ROBO2: variants seen among roughly 807,000 people sequenced by gnomAD.
The protein encoded by ROBO2 is roundabout guidance receptor 2.
In ROBO2, 53 loss-of-function variants were observed where a neutral mutation model predicts 160.8. The observed-to-expected ratio is 0.33, with a 90% CI of 0.26 to 0.41. The LOEUF (loss-of-function observed/expected upper bound fraction) is 0.41, where lower values mean the gene tolerates loss of function less well. Among genes scored for constraint, ROBO2 ranks in the 10% least tolerant of loss-of-function variants. The pLI is 1.00. For synonymous variants in ROBO2, 664 were observed against 611.7 expected (o/e 1.09, Z -1.26); for missense variants, 1,577 against 1,722.4 (o/e 0.92, Z 1.49).
At chr3:77,342,857 A>G (rs1182429428) in intron 2 of ROBO2, among the ~76,000 whole-genome samples, 1 of 152,178 alleles carries the variant, frequency 6.6e-6, no homozygotes, top group East Asian at 1.9e-4. Context: ...AAAGTGCTGT[A>G]TTAGTTGGCT....
chr3:76,323,110 A>T (rs1394740929), intron 2 of ROBO2, among the ~76,000 whole-genome samples: 1 of 149,330 alleles, frequency 6.7e-6, no homozygotes, highest in African/African-American at 2.5e-5. Context: ...GAAAAACTAT[A>T]CTCAAATCTT....
chr3:77,606,219 GAA>G (rs5850338), intron 20 of ROBO2, among the ~76,000 whole-genome samples: 3 of 151,730 alleles, frequency 2.0e-5, no homozygotes, highest in South Asian at 2.1e-4. Flanking sequence ...GGATATGGGG[GAA>G]AAAAAAGAAC....
intron 2 of ROBO2, among the ~76,000 whole-genome samples, chr3:77,117,244 A>C (rs182826296): frequency 2.1e-4 from 32 of 152,322 alleles, no homozygotes; most frequent in African/African-American, 7.0e-4. Context: ...AAAAATAAAA[A>C]TATTACTTGT....
intron 2 of ROBO2, chr3:75,964,952 T>C (rs1949051413): frequency 6.6e-6 from 1 of 151,740 alleles, no homozygotes; most frequent in Non-Finnish European, 1.5e-5. Context: ...TGTCAATTTA[T>C]TTATTTATTT....
intron 2 of ROBO2, among the ~76,000 whole-genome samples, chr3:77,248,310 A>C (rs919551599): frequency 4.6e-5 from 7 of 152,132 alleles, no homozygotes; most frequent in African/African-American, 1.4e-4. Context: ...ATGCCAGATA[A>C]GAACTCGGGT....
chr3:77,599,446 A>G (rs2094385568), intron 19 of ROBO2, among the ~76,000 whole-genome samples: 1 of 141,100 alleles, frequency 7.1e-6, no homozygotes, highest in Non-Finnish European at 1.5e-5. Flanking sequence ...GAATTGAACA[A>G]TGAGAACACA....
intron 2 of ROBO2, among the ~76,000 whole-genome samples, chr3:76,261,084 C>T (rs933491206): frequency 6.6e-6 from 1 of 151,624 alleles, no homozygotes; most frequent in African/African-American, 2.4e-5. Flanking sequence ...AGATTTAATT[C>T]AACTTTCAGT....
At chr3:76,654,176 A>G (rs575193141) in intron 2 of ROBO2, among the ~76,000 whole-genome samples, 1 of 152,274 alleles carries the variant, frequency 6.6e-6, no homozygotes, top group East Asian at 1.9e-4. Flanking sequence ...TGTGTCAGCA[A>G]TTACCTCTCA....
chr3:76,019,155 A>T (rs772697686), intron 2 of ROBO2, among the ~76,000 whole-genome samples: 3 of 151,314 alleles, frequency 2.0e-5, no homozygotes, highest in Non-Finnish European at 4.4e-5. Flanking sequence ...TATTTGCATT[A>T]TGGTCTCCCC....
intron 2 of ROBO2, among the ~76,000 whole-genome samples, chr3:76,731,726 ACAC>A (rs977967240): frequency 2.0e-5 from 3 of 152,214 alleles, no homozygotes; most frequent in Non-Finnish European, 2.9e-5. Flanking sequence ...CCTGAACAAG[ACAC>A]CACTTTCTGG....
chr3:77,074,629 T>C (rs550841554), intron 1 of ROBO2, among the ~76,000 whole-genome samples: 7 of 152,128 alleles, frequency 4.6e-5, no homozygotes, highest in Non-Finnish European at 8.8e-5. Flanking sequence ...CTATTTTCTC[T>C]CCCATTTTTA....
chr3:76,052,494 T>C lies in ROBO2; in HGVS notation c.109+114892T>C, dbSNP rs148000271. 4.3e-3 allele frequency among the ~76,000 whole-genome samples: 658 copies of C among 152,180 alleles called. 7 individuals carry two copies. The highest frequency in any genetic ancestry group is 0.015 in the African/African-American group (627 of 41,574). On this transcript the variant is annotated intron_variant, in intron 2 of 26. Coordinates refer to the ROBO2 transcript ENST00000487694. ...TTCATGATGCTGTCCTTGAGATTTT[T>C]TTTTTGTTAAACTGCATGATACACA...
chr3:76,353,528 A>T (rs1349209108), intron 2 of ROBO2, among the ~76,000 whole-genome samples: 1 of 151,926 alleles, frequency 6.6e-6, no homozygotes, highest in Non-Finnish European at 1.5e-5. Flanking sequence ...TTGTTGCCTA[A>T]CATTTCTCAT....
intron 2 of ROBO2, among the ~76,000 whole-genome samples, chr3:76,939,291 T>C (rs562821081): frequency 6.6e-6 from 1 of 152,348 alleles, no homozygotes; most frequent in Admixed American, 6.5e-5. Context: ...TGGTAACATA[T>C]GTGAAAGCAG....
At chr3:76,449,244 TA>T (rs1370315299) in intron 2 of ROBO2, among the ~76,000 whole-genome samples, 5 of 152,158 alleles carry the variant, frequency 3.3e-5, no homozygotes, top group African/African-American at 4.8e-5. Flanking sequence ...TTATAAATTA[TA>T]TCCAAAAATG....
intron 2 of ROBO2, among the ~76,000 whole-genome samples, chr3:76,875,844 G>C (rs550901528): frequency 6.6e-6 from 1 of 152,012 alleles, no homozygotes; most frequent in South Asian, 2.1e-4. Flanking sequence ...AGTAGAGATG[G>C]GGTTTCACCA....
intron 2 of ROBO2, among the ~76,000 whole-genome samples, chr3:76,260,087 G>C (rs1706649959): frequency 6.6e-6 from 1 of 152,134 alleles, no homozygotes; most frequent in African/African-American, 2.4e-5. Flanking sequence ...ACATTTGTCA[G>C]TTTTTATGTA....
chr3:76,478,315 G>C (rs1037268760), intron 2 of ROBO2, among the ~76,000 whole-genome samples: 23 of 151,524 alleles, frequency 1.5e-4, no homozygotes, highest in African/African-American at 5.1e-4. Context: ...TACTGAGAAT[G>C]ATGATTTCCA....
chr3:76,793,239 A>G (rs1010201670), intron 2 of ROBO2, among the ~76,000 whole-genome samples: 3 of 151,898 alleles, frequency 2.0e-5, no homozygotes, highest in African/African-American at 7.2e-5. Flanking sequence ...CTTTGAAAAT[A>G]TGAACTTAAC....
Sources: allele counts gnomAD v4.1 joint callset (sites outside exome capture counted in the v4.1 genomes callset), GRCh38; gene constraint gnomAD v4.1.1; transcripts MANE v1.5; gene names NCBI Gene and HGNC (gene_info 2026-07-23, HGNC 2026-07-21).